The following CDO1 variants were observed in gnomAD, a reference collection of about 807,000 sequenced individuals.
The protein encoded by CDO1 is cysteine dioxygenase type 1.
Under a neutral mutation model 24.5 loss-of-function variants are expected in CDO1, and 19 were observed. That is an observed-to-expected ratio of 0.77 (90% CI 0.54 to 1.14). The LOEUF is 1.14. Ranked by LOEUF, CDO1 falls within the 50% of genes most tolerant of loss-of-function variation. CDO1 has a pLI of 0.00. For synonymous variants in CDO1, 91 were observed against 87.0 expected, an observed-to-expected ratio of 1.05 and a Z score of -0.26; for missense variants, 244 against 244.8, an observed-to-expected ratio of 1.00 and a Z score of 0.02.
chr5:115,815,795 T>A (rs958334716), intron 1 of CDO1, among the ~76,000 whole-genome samples: 1 of 152,120 alleles, frequency 6.6e-6, no homozygotes, highest in Non-Finnish European at 1.5e-5. Context: ...TTCCTTAAGG[T>A]GTCAGGAGGG....
In CDO1 at chr5:115,816,310, C is replaced by T; in HGVS notation, c.88G>A (p.Val30Ile). 2 of 1,614,166 alleles carry T rather than the reference C, an allele frequency of 1.2e-6. No individual in the cohort carries two copies. Among genetic ancestry groups the T allele is most frequent in the Non-Finnish European group, 1.7e-6 (2 of 1,180,026 alleles). Reference sequence around the variant, plus strand: ...TCCATGATGGCCTGCACCTCCTCTACATTGACCTCATCGCCGGCAAAGAGC... The same window carrying T: ...TCCATGATGGCCTGCACCTCCTCTATATTGACCTCATCGCCGGCAAAGAGC... ...HQLFAGDEVNVEEVQAIMEAY... is the reference protein window; with the variant it reads ...HQLFAGDEVNIEEVQAIMEAY... Residue 30 changes from valine to isoleucine, a missense_variant, in exon 1 of 5, where the codon GTA becomes ATA. By Grantham distance (29) the Val-to-Ile change is conservative. Transcript: ENST00000250535.
At position 115,816,469 on chromosome 5, in the gene CDO1, T is replaced by C; in HGVS notation, c.-72A>G. 2 of 1,558,538 alleles carry C rather than the reference T, an allele frequency of 1.3e-6. No homozygotes were observed. The highest frequency in any genetic ancestry group is 1.7e-5 in the Admixed American group (1 of 59,070). ...GGAGGAGCTGAGCGAGCCAAGGAGC[T>C]GGGGGCGAGGGAGCCTAACAGCCCG... On this transcript the variant is annotated 5_prime_UTR_variant, in exon 1 of 5. Transcript: ENST00000250535.
At chr5:115,811,371 G>C (rs1369860849) in intron 2 of CDO1, 56 bp from the exon 3 acceptor site, 4 of 1,313,970 alleles carry the variant, frequency 3.0e-6, no homozygotes, top group Non-Finnish European at 4.3e-6. Flanking sequence ...ATCCAGACCT[G>C]CAGTAACAGT....
At chr5:115,808,966 A>G (rs904728056) in intron 3 of CDO1, among the ~76,000 whole-genome samples, 1 of 152,194 alleles carries the variant, frequency 6.6e-6, no homozygotes, top group African/African-American at 2.4e-5. Flanking sequence ...CTAGGTAATT[A>G]GCGATGCTAT....
chr5:115,814,333 C>T (rs985280478), intron 1 of CDO1: 9 of 152,180 alleles, frequency 5.9e-5, no homozygotes, highest in African/African-American at 2.2e-4. Context: ...CCTAATTCTT[C>T]CTCCAGAAGT....
At position 115,806,353 on chromosome 5, in the gene CDO1, G is replaced by A; in HGVS notation, c.569C>T (p.Pro190Leu). 6.2e-7 allele frequency: 1 copy of A among 1,603,484 alleles called. No individual in the cohort carries two copies. Among genetic ancestry groups the A allele is most frequent in the South Asian group, 1.1e-5 (1 of 88,810 alleles). The change falls in exon 4 of 5, where the codon CCA becomes CTA. Residue 190 changes from proline to leucine, a missense_variant. By Grantham distance (98) the Pro-to-Leu change is moderately conservative. Coordinates refer to ENST00000250535, the MANE Select transcript of CDO1 (RefSeq NM_001801.3). ...CCTAGAAGAAATTATACTCACATTTGGAGTTCTGATTCCAAATTTACTATG... is the reference window on the plus strand; with the variant it reads ...CCTAGAAGAAATTATACTCACATTTAGAGTTCTGATTCCAAATTTACTATG... ...TFHSKFGIRT[P>L]NATSGSLENN
chr5:115,815,709 T>C (rs931996951), intron 1 of CDO1, among the ~76,000 whole-genome samples: 1 of 152,178 alleles, frequency 6.6e-6, no homozygotes, highest in African/African-American at 2.4e-5. Context: ...ACTTGTCTTC[T>C]TCAACATCAC....
intron 3 of CDO1, among the ~76,000 whole-genome samples, chr5:115,810,357 C>T (rs1561437295): frequency 6.7e-6 from 1 of 150,334 alleles, no homozygotes; most frequent in Admixed American, 6.6e-5. Flanking sequence ...CTTGCTTTGC[C>T]AAAAAAAAAT....
Position 115,816,501 on chromosome 5 carries a change from C to G in CDO1, c.-104G>C. 8.0e-7 allele frequency: 1 copy of G among 1,243,270 alleles called. No homozygotes were observed. Among genetic ancestry groups the G allele is most frequent in the South Asian group, 1.3e-5 (1 of 75,656 alleles). The allele number at this position is 1,243,270 out of a possible 1,614,324, so 77.0% of individuals were successfully genotyped here. A position where few individuals can be genotyped will look rare whatever the true frequency, so the allele number is the denominator to read the frequency against. ...GAGGGAGCCTAACAGCCCGCTAGACCGCTAAGCAGACACACACGCACAAAC... is the reference window on the plus strand; with the variant it reads ...GAGGGAGCCTAACAGCCCGCTAGACGGCTAAGCAGACACACACGCACAAAC... On this transcript the variant is annotated 5_prime_UTR_variant, in exon 1 of 5. Transcript: ENST00000250535.
At chr5:115,812,332 A>T (rs1428609316) in intron 2 of CDO1, among the ~76,000 whole-genome samples, 1 of 152,354 alleles carries the variant, frequency 6.6e-6, no homozygotes, top group East Asian at 1.9e-4. Flanking sequence ...TTCAAAAGAG[A>T]GTAATACTTA....
At chr5:115,813,288 T>C (rs1760278371) in intron 1 of CDO1, 30 bp from the exon 2 acceptor site, 2 of 1,241,740 alleles carry the variant, frequency 1.6e-6, no homozygotes, top group African/African-American at 3.0e-5. Context: ...TCAGAAGTTT[T>C]AAGTTCGTTG....
intron 3 of CDO1, among the ~76,000 whole-genome samples, chr5:115,809,424 T>C (rs780964264): frequency 5.9e-5 from 9 of 152,114 alleles, no homozygotes; most frequent in Admixed American, 1.3e-4. Context: ...CACCCTATGT[T>C]GCATGCTGCC....
At chr5:115,816,121 G>A in intron 1 of CDO1, 107 bp downstream of exon 1, 3 of 1,049,736 alleles carry the variant, frequency 2.9e-6, no homozygotes, top group South Asian at 1.5e-5. Context: ...GACGCAGCGC[G>A]GCCCGAGCTT....
intron 3 of CDO1, among the ~76,000 whole-genome samples, chr5:115,807,882 C>G (rs1229787057): frequency 6.9e-6 from 1 of 145,774 alleles, no homozygotes; most frequent in Non-Finnish European, 1.5e-5. Context: ...TTTCAGAATA[C>G]TGAGGATAGA....
At chr5:115,816,014 A>G (rs754867910) in intron 1 of CDO1, among the ~76,000 whole-genome samples, 1 of 152,176 alleles carries the variant, frequency 6.6e-6, no homozygotes, top group Non-Finnish European at 1.5e-5. Flanking sequence ...GGAGGTCAGC[A>G]AGGCCAGTAG....
chr5:115,807,295 T>C (rs764141663), intron 3 of CDO1, among the ~76,000 whole-genome samples: 29 of 152,224 alleles, frequency 1.9e-4, no homozygotes, highest in Non-Finnish European at 4.1e-4. Flanking sequence ...TGGAAGTTCC[T>C]GAAGAAAAAG....
rs2112674597 is a variant in CDO1 at position 115,805,364 on chromosome 5, G to T, written c.*69C>A. 7.5e-7 allele frequency: 1 copy of T among 1,332,308 alleles called. No homozygotes were observed. Among genetic ancestry groups the T allele is most frequent in the Non-Finnish European group, 1.1e-6 (1 of 931,398 alleles). The allele number at this position is 1,332,308 out of a possible 1,614,324, so 82.5% of individuals were successfully genotyped here. The stretch of plus-strand genomic sequence containing the variant: ...GTATATTACTGGATAGCACGTGGTA[G>T]GTAGCCTTTTTGTCCAAGGCAAACA... On this transcript the variant is annotated 3_prime_UTR_variant, in exon 5 of 5. Coordinates refer to ENST00000250535, the MANE Select transcript of CDO1 (RefSeq NM_001801.3).
chr5:115,812,117 C>G (rs1760214543), intron 2 of CDO1, among the ~76,000 whole-genome samples: 1 of 152,016 alleles, frequency 6.6e-6, no homozygotes. Context: ...AATTTGTTTC[C>G]TAAATCCACA....
In CDO1 at chr5:115,811,172, G is replaced by C. The variant is rs1013104223; in HGVS notation, c.392C>G (p.Ala131Gly). 86 of 1,613,066 alleles carry C rather than the reference G, an allele frequency of 5.3e-5. No homozygotes were observed. The highest frequency in any genetic ancestry group is 6.6e-5 in the Non-Finnish European group (78 of 1,179,364). ...SERVLRENQC[A>G]YINDSIGLHR... ...GAATAAGATGTTACCATTGATGTAG[G>C]CACACTGGTTTTCCCTCAAGACTCT... The change falls in exon 3 of 5, where the codon GCC (alanine) becomes GGC (glycine). Residue 131 changes from alanine (A) to glycine (G), a missense_variant. Ala to Gly is a moderately conservative substitution (Grantham distance 60). Transcript: ENST00000250535.
Sources: allele counts gnomAD v4.1 joint callset (sites outside exome capture counted in the v4.1 genomes callset), GRCh38; gene constraint gnomAD v4.1.1; transcripts MANE v1.5; gene names NCBI Gene and HGNC (gene_info 2026-07-23, HGNC 2026-07-21).